FUT8: variants seen among roughly 807,000 people sequenced by gnomAD.
FUT8 encodes the protein alpha-(1,6)-fucosyltransferase.
In FUT8, 29 loss-of-function variants were observed where a neutral mutation model predicts 71.3. The observed-to-expected ratio is 0.41, with a 90% CI of 0.30 to 0.55. The LOEUF (loss-of-function observed/expected upper bound fraction) is 0.55. Ranked by LOEUF, FUT8 falls within the 20% of genes least tolerant of loss-of-function variation. FUT8 has a pLI of 0.34. For missense variants in FUT8, 544 were observed against 702.1 expected (o/e 0.77, Z 2.55); for synonymous variants, 254 against 239.3 (o/e 1.06, Z -0.57).
chr14:65,440,349 T>G (rs2065635008), intron 1 of FUT8, among the ~76,000 whole-genome samples: 1 of 151,996 alleles, frequency 6.6e-6, no homozygotes, highest in African/African-American at 2.4e-5. Flanking sequence ...AAAGTAGTTT[T>G]TTTTTTTTTT....
intron 9 of FUT8, among the ~76,000 whole-genome samples, chr14:65,732,038 G>T (rs1299951976): frequency 2.0e-5 from 3 of 152,150 alleles, no homozygotes; most frequent in Non-Finnish European, 4.4e-5. Flanking sequence ...TGGGTATGCA[G>T]CTTCCCAAGA....
At chr14:65,496,316 G>A (rs573707923) in intron 2 of FUT8, among the ~76,000 whole-genome samples, 57 of 152,194 alleles carry the variant, frequency 3.7e-4, no homozygotes, top group Non-Finnish European at 7.2e-4. Context: ...AACATTTTTA[G>A]CAACCTCAAC....
chr14:65,601,358 A>G (rs184666335), intron 3 of FUT8, among the ~76,000 whole-genome samples: 6 of 152,250 alleles, frequency 3.9e-5, no homozygotes, highest in African/African-American at 1.2e-4. Flanking sequence ...TTTTGCTGGG[A>G]ATATTTCAGT....
At chr14:65,482,200 A>G (rs1352792918) in intron 2 of FUT8, among the ~76,000 whole-genome samples, 1 of 152,120 alleles carries the variant, frequency 6.6e-6, no homozygotes, top group Non-Finnish European at 1.5e-5. Flanking sequence ...GGGGGTAGAG[A>G]CATGCAGTTA....
intron 3 of FUT8, among the ~76,000 whole-genome samples, chr14:65,588,901 G>T (rs985108387): frequency 6.6e-6 from 1 of 152,158 alleles, no homozygotes; most frequent in Non-Finnish European, 1.5e-5. Flanking sequence ...AGTACTATCT[G>T]CAATTCAGGC....
At chr14:65,457,615 G>A (rs2065911238) in intron 2 of FUT8, among the ~76,000 whole-genome samples, 1 of 152,104 alleles carries the variant, frequency 6.6e-6, no homozygotes, top group Non-Finnish European at 1.5e-5. Context: ...CCTTTTAAGG[G>A]CTCACAACAC....
rs1326854450 is a variant in FUT8 at position 65,638,597 on chromosome 14, A to G, written c.597+8991A>G. ...GTATATGATCCTTTGGAATAAGGGG[A>G]ATGTTAATGCTGGGGATACATTATT... is the stretch of plus-strand genomic sequence containing the variant. On this transcript the variant is annotated intron_variant, in intron 6 of 10. Coordinates refer to ENST00000673929, the MANE Select transcript of FUT8 (RefSeq NM_001371533.1). The surrounding 1 kb of genome is among the most constrained non-coding windows in gnomAD (Gnocchi z 4.5). Among the ~76,000 whole-genome samples, 2 of 152,100 alleles carry G rather than the reference A, an allele frequency of 1.3e-5. No homozygotes were observed. Among genetic ancestry groups the G allele is most frequent in the Non-Finnish European group, 2.9e-5 (2 of 68,026 alleles).
chr14:65,458,015 TA>T (rs1203626406), intron 2 of FUT8: 1 of 151,814 alleles, frequency 6.6e-6, no homozygotes, highest in African/African-American at 2.4e-5. Context: ...ACCCCGTCTC[TA>T]CTAAAAATAC....
chr14:65,589,127 G>A (rs1026101575), intron 3 of FUT8, among the ~76,000 whole-genome samples: 2 of 152,126 alleles, frequency 1.3e-5, no homozygotes, highest in African/African-American at 4.8e-5. Context: ...TGTTTGCCAG[G>A]AAAAGAGTGT....
In FUT8 at chr14:65,444,850, A is replaced by G. The variant is rs2065714591; in HGVS notation, c.-325-10771A>G. ...GCAACAGTGTTGGGAGGGGGGCCCA[A>G]TGGAAGGTGTATGTATTGGTTCATA... On this transcript the variant is annotated intron_variant, in intron 1 of 10. Coordinates refer to ENST00000673929, the MANE Select transcript of FUT8 (RefSeq NM_001371533.1). Among the ~76,000 whole-genome samples, 8 of 152,168 alleles carry G rather than the reference A, an allele frequency of 5.3e-5. No homozygotes were observed. The South Asian group carries it at 1.2e-3, about 24-fold the overall frequency.
upstream of FUT8, among the ~76,000 whole-genome samples, chr14:65,409,887 T>C (rs780490197): frequency 1.3e-5 from 2 of 152,192 alleles, no homozygotes; most frequent in African/African-American, 2.4e-5. The surrounding 1 kb of genome is among the most constrained non-coding windows in gnomAD (Gnocchi z 5.4). Flanking sequence ...TAAGCAAAGA[T>C]GGGTCCAAAA....
the FUT8 span, among the ~76,000 whole-genome samples, chr14:65,358,295 T>G: frequency 4.3e-4 from 65 of 152,166 alleles, no homozygotes; most frequent in Non-Finnish European, 8.4e-4. Flanking sequence ...TCACATTGTA[T>G]CCCATAAATA....
At chr14:65,528,041 C>T (rs1883623570) in intron 2 of FUT8, among the ~76,000 whole-genome samples, 1 of 152,198 alleles carries the variant, frequency 6.6e-6, no homozygotes, top group Non-Finnish European at 1.5e-5. Context: ...AGATCTCCAG[C>T]TCTGTGCTGG....
chr14:65,445,361 C>G (rs979373350), intron 1 of FUT8, among the ~76,000 whole-genome samples: 5 of 152,196 alleles, frequency 3.3e-5, no homozygotes, highest in African/African-American at 1.2e-4. Flanking sequence ...CTTGGACTTA[C>G]CAGCCTCCAG....
intron 2 of FUT8, among the ~76,000 whole-genome samples, chr14:65,515,012 G>T (rs1882614936): frequency 6.8e-6 from 1 of 147,870 alleles, no homozygotes; most frequent in Admixed American, 6.8e-5. Flanking sequence ...TTTGAATTCA[G>T]TGGTTACTTG....
At chr14:65,412,516 G>C (rs551480429), upstream of FUT8, 1 of 358,962 alleles carries the variant, frequency 2.8e-6, no homozygotes, top group East Asian at 7.4e-5. Context: ...GCCGGAGCCG[G>C]CGTGCGCAGC....
chr14:65,410,972 T>A (rs147402344), upstream of FUT8: 9 of 152,270 alleles, frequency 5.9e-5, no homozygotes, highest in Admixed American at 5.9e-4. Context: ...AACTAAGAAG[T>A]AAATATCCAC....
intron 6 of FUT8, among the ~76,000 whole-genome samples, chr14:65,662,858 C>T (rs756571321): frequency 5.3e-5 from 8 of 152,148 alleles, no homozygotes; most frequent in Non-Finnish European, 8.8e-5. Flanking sequence ...ATATCTTTAA[C>T]CTCTCTATCC....
Position 65,650,726 on chromosome 14 carries a change from AAAAC to A in FUT8, c.598-18513_598-18510del, listed in dbSNP as rs1283410401. Among the ~76,000 whole-genome samples the A allele has an allele frequency of 5.4e-3, 761 of 140,120 alleles. 10 individuals are homozygous for A. Among genetic ancestry groups the A allele is most frequent in the East Asian group, 0.05 (241 of 4,778 alleles). The allele number at this position is 140,120 out of a possible 152,430, so 91.9% of individuals were successfully genotyped here. A position where few individuals can be genotyped will look rare whatever the true frequency, so the allele number is the denominator to read the frequency against. On this transcript the variant is annotated intron_variant, in intron 6 of 10. Coordinates refer to ENST00000673929, the MANE Select transcript of FUT8 (RefSeq NM_001371533.1). The stretch of plus-strand genomic sequence containing the variant: ...TAATTACAAAAAAAAAAAAAAAAAA[AAAAC>A]AAAAAAAACCACAAACTTGTAATTT...
Sources: allele counts gnomAD v4.1 joint callset (sites outside exome capture counted in the v4.1 genomes callset), GRCh38; gene constraint gnomAD v4.1.1; non-coding constraint Gnocchi (gnomAD v3.1); transcripts MANE v1.5; gene names NCBI Gene and HGNC (gene_info 2026-07-23, HGNC 2026-07-21).